The following AGXT2 variants were observed in gnomAD, a reference collection of about 807,000 sequenced individuals.
The protein encoded by AGXT2 is alanine--glyoxylate aminotransferase 2, also known as alanine--glyoxylate aminotransferase 2, mitochondrial.
In AGXT2, 61 loss-of-function variants were observed where a neutral mutation model predicts 62.5. The observed-to-expected ratio is 0.98, with a 90% CI of 0.79 to 1.21. The LOEUF is 1.21. Ranked by LOEUF, AGXT2 falls within the 50% of genes most tolerant of loss-of-function variation. AGXT2 has a pLI of 0.00. For synonymous variants in AGXT2, 243 were observed against 218.7 expected (o/e 1.11, Z -0.98); for missense variants, 666 against 641.5 (o/e 1.04, Z -0.41).
chr5:35,046,065 C>G (rs1263718934), intron 1 of AGXT2, among the ~76,000 whole-genome samples: 2 of 152,136 alleles, frequency 1.3e-5, no homozygotes, highest in African/African-American at 4.8e-5. Context: ...CCGCACCCGG[C>G]CAGTGGTGTG....
At chr5:35,009,774 T>C (rs981844819) in intron 12 of AGXT2, among the ~76,000 whole-genome samples, 1 of 152,202 alleles carries the variant, frequency 6.6e-6, no homozygotes, top group Non-Finnish European at 1.5e-5. Context: ...AAGGATAATG[T>C]TGGTTTCTTT....
At chr5:35,026,876 T>A in intron 7 of AGXT2, 3 of 985,390 alleles carry the variant, frequency 3.0e-6, no homozygotes, top group Non-Finnish European at 3.6e-6. Flanking sequence ...CAAATGTAAT[T>A]AGAGCGATTT....
rs774306394 is a variant in AGXT2 at position 35,026,514 on chromosome 5, C to T, written c.770-4G>A. 1.3e-6 allele frequency: 2 copies of T among 1,553,322 alleles called. No individual in the cohort carries two copies. Among genetic ancestry groups the T allele is most frequent in the South Asian group, 2.2e-5 (2 of 90,116 alleles). On this transcript the variant is annotated splice_region_variant and splice_polypyrimidine_tract_variant and intron_variant, in intron 7 of 13. Coordinates refer to ENST00000231420, the MANE Select transcript of AGXT2 (RefSeq NM_031900.4). ...TGATCTTTAGCTTGGCAGCAGTCTG[C>T]AAAAAGCAAACAACAAAACAAAACA...
At chr5:34,999,498 A>G (rs1766149834) in intron 13 of AGXT2, among the ~76,000 whole-genome samples, 1 of 152,080 alleles carries the variant, frequency 6.6e-6, no homozygotes, top group Non-Finnish European at 1.5e-5. Context: ...CTAATGAAAT[A>G]TTTTATTGAA....
intron 5 of AGXT2, among the ~76,000 whole-genome samples, chr5:35,034,664 T>C (rs1767699417): frequency 6.6e-6 from 1 of 152,168 alleles, no homozygotes; most frequent in African/African-American, 2.4e-5. Context: ...ATGTAGCCAT[T>C]AAGGGTTTAT....
chr5:35,009,847 C>T (rs534642298), intron 12 of AGXT2, among the ~76,000 whole-genome samples, 153 bp downstream of exon 12: 10 of 152,200 alleles, frequency 6.6e-5, no homozygotes, highest in South Asian at 2.1e-4. Flanking sequence ...TGTTCATACT[C>T]AACACTCTCT....
chr5:35,013,106 C>T (rs1009866658), intron 10 of AGXT2, 61 bp from the exon 11 acceptor site: 41 of 1,435,490 alleles, frequency 2.9e-5, no homozygotes, highest in South Asian at 6.1e-5. Flanking sequence ...AATCTCTCAT[C>T]GCGCCATTTG....
chr5:35,023,174 A>G (rs1767180294), intron 9 of AGXT2, among the ~76,000 whole-genome samples: 1 of 87,276 alleles, frequency 1.1e-5, no homozygotes, highest in African/African-American at 3.2e-5. Flanking sequence ...GTAAAAAAAA[A>G]AAGAAAAAAG....
At chr5:35,026,106 G>C in intron 8 of AGXT2, 1 of 592,898 alleles carries the variant, frequency 1.7e-6, no homozygotes, top group South Asian at 2.0e-5. Flanking sequence ...AAATTGGTGA[G>C]ACTAAAGAAA....
chr5:35,026,641 A>G, intron 7 of AGXT2, 131 bp from the exon 8 acceptor site: 1 of 999,774 alleles, frequency 1.0e-6, no homozygotes, highest in East Asian at 2.6e-5. Flanking sequence ...GGGACTTCAG[A>G]ATACGGTAAA....
chr5:35,045,068 G>A (rs1400456672), intron 1 of AGXT2, among the ~76,000 whole-genome samples: 2 of 152,190 alleles, frequency 1.3e-5, no homozygotes, highest in African/African-American at 4.8e-5. Flanking sequence ...ATATATTTCA[G>A]TCATTAGCTA....
intron 9 of AGXT2, among the ~76,000 whole-genome samples, chr5:35,025,212 C>T (rs183213300): frequency 6.6e-6 from 1 of 152,118 alleles, no homozygotes; most frequent in African/African-American, 2.4e-5. Flanking sequence ...CCTGTCTTTA[C>T]TAAAAATACA....
At chr5:35,023,720 T>A (rs344517) in intron 9 of AGXT2, among the ~76,000 whole-genome samples, 10 of 151,954 alleles carry the variant, frequency 6.6e-5, no homozygotes, top group African/African-American at 2.4e-4. Context: ...GGGAGGATGG[T>A]CTCAGCAGGA....
chr5:35,007,679 A>G (rs1236391978), intron 12 of AGXT2, among the ~76,000 whole-genome samples: 1 of 152,178 alleles, frequency 6.6e-6, no homozygotes. Context: ...GCTTATACTA[A>G]CAAATGGTTC....
rs957576115 is a variant in AGXT2, at chr5:35,014,238, G to C, written c.964-119C>G. ...GGAGGCTGAAGCAGGTGGATCATGA[G>C]GTCAGGAGTTCAAGACCAGCCTGGC... On this transcript the variant is annotated intron_variant, in intron 9 of 13. Coordinates refer to ENST00000231420, the MANE Select transcript of AGXT2 (RefSeq NM_031900.4). 3.1e-5 allele frequency: 43 copies of C among 1,378,428 alleles called. No individual in the cohort carries two copies. In the African/African-American group the frequency reaches 5.4e-4, roughly 17 times the overall value. 85.4% of individuals were successfully genotyped at this position (1,378,428 alleles called of 1,614,324 possible). A position where few individuals can be genotyped will look rare whatever the true frequency, so the allele number is the denominator to read the frequency against.
At chr5:35,039,534 A>G (rs1580610300) in intron 2 of AGXT2, 26 bp from the exon 3 acceptor site, 2 of 1,608,396 alleles carry the variant, frequency 1.2e-6, no homozygotes, top group Non-Finnish European at 1.7e-6. Flanking sequence ...ATTTAAACCC[A>G]CACACTTCTT....
chr5:34,999,234 G>T (rs1281293850), intron 13 of AGXT2, among the ~76,000 whole-genome samples: 1 of 152,106 alleles, frequency 6.6e-6, no homozygotes, highest in Non-Finnish European at 1.5e-5. Flanking sequence ...TCATACCCAT[G>T]GCCAATGCCA....
chr5:35,044,845 C>T (rs947987715), intron 1 of AGXT2, among the ~76,000 whole-genome samples: 1 of 152,202 alleles, frequency 6.6e-6, no homozygotes, highest in Non-Finnish European at 1.5e-5. Context: ...TAAATCAGTT[C>T]TGACTGTGGC....
intron 4 of AGXT2, among the ~76,000 whole-genome samples, chr5:35,035,938 G>A (rs921745764): frequency 2.0e-5 from 3 of 152,240 alleles, no homozygotes; most frequent in Non-Finnish European, 2.9e-5. Context: ...TTAGCCAGGT[G>A]TGGTGGTGGG....
Sources: gnomAD v4.1 joint callset for allele counts (sites outside exome capture counted in the v4.1 genomes callset) on GRCh38, gnomAD v4.1.1 for gene constraint, MANE v1.5 for transcripts, NCBI Gene and HGNC (gene_info 2026-07-23, HGNC 2026-07-21) for gene names.